EBF1: variants seen among roughly 807,000 people sequenced by gnomAD.
EBF1 encodes transcription factor COE1.
Under a neutral mutation model 68.4 loss-of-function variants are expected in EBF1, and 10 were observed. That is an observed-to-expected ratio of 0.15 (90% confidence interval 0.09 to 0.25). The LOEUF (loss-of-function observed/expected upper bound fraction) is 0.25, where lower values mean the gene tolerates loss of function less well. Among genes scored for constraint, EBF1 ranks in the 10% least tolerant of loss-of-function variants. EBF1 has a pLI of 1.00. For synonymous variants in EBF1, 298 were observed against 299.8 expected, an observed-to-expected ratio of 0.99 and a Z score of 0.06; for missense variants, 509 against 794.4, an observed-to-expected ratio of 0.64 and a Z score of 4.32.
chr5:158,760,297 C>T (rs1348371351), intron 10 of EBF1, among the ~76,000 whole-genome samples: 2 of 152,118 alleles, frequency 1.3e-5, no homozygotes, highest in African/African-American at 2.4e-5. Flanking sequence ...TTTTCCATGG[C>T]CCAACGTGGC....
intron 6 of EBF1, among the ~76,000 whole-genome samples, chr5:159,051,203 CT>C (rs879636963): frequency 2.0e-4 from 30 of 148,704 alleles, no homozygotes; most frequent in East Asian, 9.9e-4. Flanking sequence ...CAAAGGGTTC[CT>C]TTTTTTTTTA....
intron 6 of EBF1, among the ~76,000 whole-genome samples, chr5:158,911,635 C>T (rs1805995330): frequency 9.3e-6 from 1 of 107,480 alleles, no homozygotes; most frequent in East Asian, 1.9e-4. Context: ...AGGAACAAAT[C>T]ATAACATAAT....
chr5:158,895,536 A>T lies in EBF1; in HGVS notation c.555-55426T>A, dbSNP rs375376978. ...ATAATCGATGCCAAATATTATGCAT[A>T]ATCTACAGACAAGAGGCTGGGCCAG... On this transcript the variant is annotated intron_variant, in intron 6 of 15. Coordinates refer to ENST00000313708, the MANE Select transcript of EBF1 (RefSeq NM_024007.5). Among the ~76,000 whole-genome samples, 315 of 152,312 alleles carry T rather than the reference A, an allele frequency of 2.1e-3. 3 individuals carry two copies. The highest frequency in any genetic ancestry group is 7.3e-3 in the African/African-American group (303 of 41,562).
chr5:158,969,756 T>C (rs576941201), intron 6 of EBF1, among the ~76,000 whole-genome samples: 2 of 147,936 alleles, frequency 1.4e-5, no homozygotes, highest in South Asian at 4.3e-4. Flanking sequence ...GCTTGGGTGA[T>C]AGAGTGAGAC....
At chr5:159,028,672 C>T (rs142418394) in intron 6 of EBF1, among the ~76,000 whole-genome samples, 17 of 152,186 alleles carry the variant, frequency 1.1e-4, no homozygotes, top group African/African-American at 1.4e-4. Context: ...AGTGCTAGCA[C>T]GGAGCATGGA....
At chr5:158,819,281 G>T (rs1229657017) in intron 8 of EBF1, among the ~76,000 whole-genome samples, 1 of 152,188 alleles carries the variant, frequency 6.6e-6, no homozygotes, top group Non-Finnish European at 1.5e-5. Context: ...AGCGCTAATG[G>T]TACATAAAGT....
chr5:158,718,600 T>G (rs1415126128), intron 11 of EBF1, among the ~76,000 whole-genome samples: 1 of 152,188 alleles, frequency 6.6e-6, no homozygotes, highest in Non-Finnish European at 1.5e-5. Context: ...TTTCTATTAC[T>G]ATCTGGCAGA....
At chr5:158,731,192 C>G in intron 10 of EBF1, 35 bp from the exon 11 acceptor site, 1 of 1,598,642 alleles carries the variant, frequency 6.3e-7, no homozygotes, top group Non-Finnish European at 8.6e-7. Context: ...AGTACATTTT[C>G]AAGAAATAAA....
At chr5:159,079,252 C>T (rs2127964865) in intron 5 of EBF1, among the ~76,000 whole-genome samples, 1 of 152,316 alleles carries the variant, frequency 6.6e-6, no homozygotes, top group South Asian at 2.1e-4. Flanking sequence ...GGGACCAGCC[C>T]CACCAAGGAC....
intron 8 of EBF1, among the ~76,000 whole-genome samples, chr5:158,808,732 A>G (rs751779695): frequency 2.6e-5 from 4 of 152,216 alleles, no homozygotes; most frequent in Non-Finnish European, 5.9e-5. Flanking sequence ...AGGAGGAGGA[A>G]GAAGAGAAGT....
At position 158,801,813 on chromosome 5, in the gene EBF1, ACAGAAGG is replaced by A. The variant is rs1367976181; in HGVS notation, c.779-5345_779-5339del. On this transcript the variant is annotated intron_variant, in intron 8 of 15. Transcript: ENST00000313708. Reference sequence around the variant, plus strand: ...GCATTTATATTTCCTTCGAACAGCCACAGAAGGCAGAAGAAATCAGAGATGCCCTCGG... The same window carrying A: ...GCATTTATATTTCCTTCGAACAGCCACAGAAGAAATCAGAGATGCCCTCGG... 2.6e-5 allele frequency among the ~76,000 whole-genome samples: 4 copies of A among 152,252 alleles called. No individual in the cohort carries two copies. The East Asian group carries it at 7.7e-4, about 29-fold the overall frequency.
chr5:159,073,032 C>G (rs1778111919), intron 6 of EBF1, among the ~76,000 whole-genome samples: 1 of 152,088 alleles, frequency 6.6e-6, no homozygotes, highest in South Asian at 2.1e-4. Flanking sequence ...AAACATTTTT[C>G]AAATAAAAGT....
At chr5:158,941,678 C>A (rs1484882366) in intron 6 of EBF1, among the ~76,000 whole-genome samples, 1 of 152,144 alleles carries the variant, frequency 6.6e-6, no homozygotes, top group Non-Finnish European at 1.5e-5. Flanking sequence ...GTGATAGCAC[C>A]TGCAAACTGC....
intron 6 of EBF1, among the ~76,000 whole-genome samples, chr5:158,932,693 C>T (rs1320379216): frequency 6.6e-6 from 1 of 152,094 alleles, no homozygotes; most frequent in African/African-American, 2.4e-5. Context: ...ACACATACTT[C>T]CTCTATGAAC....
At chr5:158,732,848 T>A (rs1764398651) in intron 10 of EBF1, among the ~76,000 whole-genome samples, 1 of 152,212 alleles carries the variant, frequency 6.6e-6, no homozygotes, top group South Asian at 2.1e-4. Context: ...GTAATCATTT[T>A]TGCAAATATG....
At chr5:158,962,010 C>T (rs547222106) in intron 6 of EBF1, among the ~76,000 whole-genome samples, 22 of 152,208 alleles carry the variant, frequency 1.4e-4, no homozygotes, top group African/African-American at 4.6e-4. Flanking sequence ...GCATCTGTGC[C>T]GATGCACAGG....
At chr5:158,836,964 C>T (rs1032571703) in intron 7 of EBF1, among the ~76,000 whole-genome samples, 7 of 152,156 alleles carry the variant, frequency 4.6e-5, no homozygotes, top group African/African-American at 1.4e-4. Flanking sequence ...TCAGATAAAT[C>T]ATATTTATTT....
At chr5:158,709,590 T>C (rs1008344863) in intron 14 of EBF1, among the ~76,000 whole-genome samples, 2 of 152,206 alleles carry the variant, frequency 1.3e-5, no homozygotes, top group African/African-American at 4.8e-5. Flanking sequence ...TAGGCAACAA[T>C]TGCCATCAGG....
chr5:159,063,410 T>C lies in EBF1; in HGVS notation c.554+9986A>G, dbSNP rs146185860. Among the ~76,000 whole-genome samples the C allele has an allele frequency of 5.6e-4, 85 of 152,338 alleles. 2 individuals carry two copies. The East Asian group carries it at 0.015, about 27-fold the overall frequency. On this transcript the variant is annotated intron_variant, in intron 6 of 15. Transcript: ENST00000313708. The stretch of plus-strand genomic sequence containing the variant: ...AGGTGACTTTAACCCGGGGATATTT[T>C]TCTTCTGCATCATGATCCCAGTGTA...
Sources: gnomAD v4.1 joint callset for allele counts (sites outside exome capture counted in the v4.1 genomes callset) on GRCh38, gnomAD v4.1.1 for gene constraint, MANE v1.5 for transcripts, NCBI Gene and HGNC (gene_info 2026-07-23, HGNC 2026-07-21) for gene names.